SEMA5B: variants seen among roughly 807,000 people sequenced by gnomAD.
SEMA5B encodes semaphorin-5B.
A neutral mutation model predicts 135.0 loss-of-function variants in SEMA5B; 66 were observed. That is an observed-to-expected ratio of 0.49 (90% CI 0.40 to 0.60). SEMA5B has a LOEUF of 0.60. Among genes scored for constraint, SEMA5B ranks in the 20% least tolerant of loss-of-function variants. The pLI, the probability that SEMA5B is intolerant of heterozygous loss-of-function variation, is 0.00. For missense variants in SEMA5B, 1,501 were observed against 1,566.3 expected (o/e 0.96, Z 0.70); for synonymous variants, 690 against 639.5 (o/e 1.08, Z -1.19).
chr3:122,975,160 A>G (rs1391240595), intron 1 of SEMA5B: 1 of 152,376 alleles, frequency 6.6e-6, no homozygotes, highest in East Asian at 1.9e-4. Flanking sequence ...GGGCAGCACC[A>G]GACAAGGAGA....
In SEMA5B at chr3:122,939,421, G is replaced by A. The variant is rs374371977; in HGVS notation, c.474+4C>T. 23 of 1,607,134 alleles carry A rather than the reference G, an allele frequency of 1.4e-5. No individual in the cohort carries two copies. In the African/African-American group the frequency reaches 1.9e-4, roughly 13 times the overall value. On this transcript the variant is annotated splice_donor_region_variant and intron_variant, in intron 5 of 22. Transcript: ENST00000357599. ...AGGAAGGGAAGGGAAGAAAGCAATCGTACCTGAAGAAGAGAGACATTGGCA... is the reference window on the plus strand; with the variant it reads ...AGGAAGGGAAGGGAAGAAAGCAATCATACCTGAAGAAGAGAGACATTGGCA...
intron 2 of SEMA5B, among the ~76,000 whole-genome samples, chr3:122,948,958 A>G (rs1939926425): frequency 6.6e-6 from 1 of 152,198 alleles, no homozygotes; most frequent in Admixed American, 6.5e-5. Flanking sequence ...ATGATCCCAA[A>G]TGGTTTAAAA....
chr3:122,915,762 G>C lies in SEMA5B; in HGVS notation c.1806+11C>G, dbSNP rs757724418. On this transcript the variant is annotated intron_variant, in intron 13 of 22. Transcript: ENST00000357599. ...GGGGTCTGAGATGGGAGGACACAAGGGGATTCTCACAGGACAGGCGGTGAT... is the reference window on the plus strand; with the variant it reads ...GGGGTCTGAGATGGGAGGACACAAGCGGATTCTCACAGGACAGGCGGTGAT... 2 of 1,612,860 alleles carry C rather than the reference G, an allele frequency of 1.2e-6. No homozygotes were observed. Among genetic ancestry groups the C allele is most frequent in the South Asian group, 2.2e-5 (2 of 91,058 alleles).
At position 122,910,073 on chromosome 3, in the gene SEMA5B, T is replaced by C. The variant is rs1937613902; in HGVS notation, c.*70A>G. 3 of 1,529,848 alleles carry C rather than the reference T, an allele frequency of 2.0e-6. No homozygotes were observed. The Admixed American group carries it at 5.7e-5, about 29-fold the overall frequency. The allele number at this position is 1,529,848 out of a possible 1,614,324, so 94.8% of individuals were successfully genotyped here. A position where few individuals can be genotyped will look rare whatever the true frequency, so the allele number is the denominator to read the frequency against. On this transcript the variant is annotated 3_prime_UTR_variant, in exon 23 of 23. Transcript: ENST00000357599. Reference sequence around the variant, plus strand: ...TGCAGAGGGAGAAAACCAAACTGGCTCCACTGTCCCATCTCCATCTGCTCT... The same window carrying C: ...TGCAGAGGGAGAAAACCAAACTGGCCCCACTGTCCCATCTCCATCTGCTCT...
rs57975297 is a variant in SEMA5B at position 122,983,716 on chromosome 3, C to CAAAA, written c.-38-22419_-38-22416dup. Among the ~76,000 whole-genome samples the CAAAA allele has an allele frequency of 4.5e-4, 24 of 53,432 alleles. 8 individuals carry two copies. The highest frequency in any genetic ancestry group is 1.1e-3 in the African/African-American group (17 of 16,110). The allele number at this position is 53,432 out of a possible 152,430, so 35.1% of individuals were successfully genotyped here. A position where few individuals can be genotyped will look rare whatever the true frequency, so the allele number is the denominator to read the frequency against. Reference sequence around the variant, plus strand: ...CTGGGCGACAGAGCGAGACTCGTCTCAAAAAAAAAAAAAAAAAAAAAAAAA... The same window carrying CAAAA: ...CTGGGCGACAGAGCGAGACTCGTCTCAAAAAAAAAAAAAAAAAAAAAAAAAAAAA... On this transcript the variant is annotated intron_variant, in intron 1 of 22. Coordinates refer to ENST00000357599, the MANE Select transcript of SEMA5B (RefSeq NM_001031702.4).
chr3:122,986,206 A>G (rs1941690994), intron 1 of SEMA5B, among the ~76,000 whole-genome samples: 1 of 152,226 alleles, frequency 6.6e-6, no homozygotes, highest in Non-Finnish European at 1.5e-5. Flanking sequence ...GCCTTTGCCT[A>G]CTTATTAAAA....
intron 1 of SEMA5B, among the ~76,000 whole-genome samples, chr3:122,964,934 G>A (rs1940753859): frequency 6.6e-6 from 1 of 152,184 alleles, no homozygotes; most frequent in South Asian, 2.1e-4. Flanking sequence ...GGGCTCCACA[G>A]TGGGTGAAAC....
At chr3:122,966,625 G>C (rs1169382856) in intron 1 of SEMA5B, among the ~76,000 whole-genome samples, 1 of 150,250 alleles carries the variant, frequency 6.7e-6, no homozygotes, top group Admixed American at 6.6e-5. Context: ...CGTGATCTCA[G>C]CTCACTGCAA....
chr3:123,003,344 A>C (rs1272449780), intron 1 of SEMA5B, among the ~76,000 whole-genome samples: 1 of 152,228 alleles, frequency 6.6e-6, no homozygotes, highest in Non-Finnish European at 1.5e-5. Context: ...TACCATTGAC[A>C]TGCTTTTAGT....
chr3:122,928,289 G>A (rs1013208405), intron 7 of SEMA5B, among the ~76,000 whole-genome samples: 1 of 152,200 alleles, frequency 6.6e-6, no homozygotes, highest in Non-Finnish European at 1.5e-5. Context: ...CAGACGAACA[G>A]GGAGTAAATT....
chr3:122,912,416 C>T (rs1937781646), intron 18 of SEMA5B, 74 bp from the exon 19 acceptor site: 3 of 1,359,804 alleles, frequency 2.2e-6, no homozygotes, highest in African/African-American at 1.5e-5. Context: ...CCCATACCAG[C>T]CCAGACCACT....
chr3:122,967,543 C>T (rs186265930), intron 1 of SEMA5B, among the ~76,000 whole-genome samples: 67 of 152,338 alleles, frequency 4.4e-4, no homozygotes, highest in African/African-American at 1.6e-3. Flanking sequence ...ACAACCCTCA[C>T]CACCATTCCA....
intron 1 of SEMA5B, among the ~76,000 whole-genome samples, chr3:122,964,451 T>C (rs1337603233): frequency 6.6e-6 from 1 of 152,228 alleles, no homozygotes; most frequent in East Asian, 1.9e-4. Context: ...CAGACCTGCC[T>C]ATTTTTAAAG....
Position 122,927,793 on chromosome 3 carries a change from T to C in SEMA5B, c.847A>G (p.Asn283Asp), listed in dbSNP as rs765846400. The C allele has an allele frequency of 7.1e-7, 1 of 1,411,672 alleles. No homozygotes were observed. The allele number at this position is 1,411,672 out of a possible 1,614,324, so 87.4% of individuals were successfully genotyped here. A position where few individuals can be genotyped will look rare whatever the true frequency, so the allele number is the denominator to read the frequency against. The change falls in exon 8 of 23, where the codon AAT becomes GAT. Residue 283 changes from asparagine to aspartate, a missense_variant. Around this residue, in one of 2 missense-constraint regions of SEMA5B, gnomAD observed 574 missense variants for 684.7 expected, o/e 0.84. Coordinates refer to ENST00000357599, the MANE Select transcript of SEMA5B (RefSeq NM_001031702.4). ...RTAQYNSKWLNEPNFVAAYDI... is the reference protein window; with the variant it reads ...RTAQYNSKWLDEPNFVAAYDI... ...CCTGGCACTGGGGCCTCCTTACCAT[T>C]AAGCCACTTGGAGTTATATTGGGCA... is the stretch of plus-strand genomic sequence containing the variant.
intron 1 of SEMA5B, among the ~76,000 whole-genome samples, chr3:122,977,416 T>C (rs1173220981): frequency 6.6e-6 from 1 of 152,234 alleles, no homozygotes; most frequent in African/African-American, 2.4e-5. Flanking sequence ...GAAATACTCT[T>C]TGTTGCTTAC....
intron 1 of SEMA5B, among the ~76,000 whole-genome samples, chr3:122,996,947 C>T (rs1942034898): frequency 6.6e-6 from 1 of 152,248 alleles, no homozygotes; most frequent in South Asian, 2.1e-4. Context: ...AGTTCCCTCT[C>T]TGGTCCACCC....
rs746855310 is a variant in SEMA5B at position 122,912,911 on chromosome 3, C to T, written c.2657G>A (p.Arg886His). The T allele has an allele frequency of 1.7e-5, 27 of 1,611,604 alleles. No homozygotes were observed. The highest frequency in any genetic ancestry group is 2.2e-5 in the Non-Finnish European group (26 of 1,178,988). Residue 886 changes from arginine to histidine, a missense_variant, in exon 18 of 23, where the codon CGC becomes CAC. By Grantham distance (29) the Arg-to-His change is conservative. Coordinates refer to ENST00000357599, the MANE Select transcript of SEMA5B (RefSeq NM_001031702.4). ...GCCCACGCAGGGCAGGCCCCCGTTG[C>T]GGGGCTCCGGGTTAGTGCACGTTCT... ...RKRTCTNPEP[R>H]NGGLPCVGDA...
intron 22 of SEMA5B, 43 bp from the exon 23 acceptor site, chr3:122,910,344 C>T: frequency 1.2e-6 from 2 of 1,605,336 alleles, no homozygotes; most frequent in Non-Finnish European, 1.7e-6. Flanking sequence ...TGAGGGAACA[C>T]ACAGGGGAAG....
intron 2 of SEMA5B, among the ~76,000 whole-genome samples, chr3:122,958,946 C>T (rs1003824342): frequency 1.2e-4 from 18 of 152,152 alleles, no homozygotes; most frequent in Admixed American, 3.3e-4. Context: ...CAGTCCCACC[C>T]ACATCCCTCC....
Sources: gnomAD v4.1 joint callset for allele counts (sites outside exome capture counted in the v4.1 genomes callset) on GRCh38, gnomAD v4.1.1 for gene constraint, gnomAD v4.1.1 regional missense constraint, MANE v1.5 for transcripts, NCBI Gene and HGNC (gene_info 2026-07-23, HGNC 2026-07-21) for gene names.